Variants in PPA2 observed in about 807,000 individuals in gnomAD.
PPA2 encodes inorganic pyrophosphatase 2, mitochondrial.
A neutral mutation model predicts 49.5 loss-of-function variants in PPA2; 48 were observed. The ratio of observed to expected loss-of-function variants is 0.97; its 90% CI spans 0.77 to 1.23. PPA2 has a LOEUF of 1.23. Among genes scored for constraint, PPA2 ranks in the 50% most tolerant of loss-of-function variants. The pLI is 0.00. For synonymous variants in PPA2, 131 were observed against 139.9 expected, an observed-to-expected ratio of 0.94 and a Z score of 0.45; for missense variants, 429 against 410.1, an observed-to-expected ratio of 1.05 and a Z score of -0.40.
chr4:105,395,265 TACTCC>T lies in PPA2; in HGVS notation c.869+979_869+983del, dbSNP rs557040398. ...TATTCCTTGATATTAAATAATTCTT[TACTCC>T]ATCTGATTACCTTAGTCTAGAATTT... On this transcript the variant is annotated intron_variant, in intron 9 of 11. Transcript: ENST00000341695. Among the ~76,000 whole-genome samples, 87 of 149,888 alleles carry T rather than the reference TACTCC, an allele frequency of 5.8e-4. 1 individual carries two copies. In the South Asian group the frequency reaches 0.018, roughly 32 times the overall value.
chr4:105,405,138 G>T, intron 7 of PPA2: 1 of 577,804 alleles, frequency 1.7e-6, no homozygotes, highest in Non-Finnish European at 2.2e-6. Flanking sequence ...AATTTTTTTA[G>T]AAAAATACTA....
At chr4:105,447,474 G>C (rs1324682226) in intron 4 of PPA2, among the ~76,000 whole-genome samples, 1 of 152,174 alleles carries the variant, frequency 6.6e-6, no homozygotes, top group Non-Finnish European at 1.5e-5. Flanking sequence ...AACACAACTT[G>C]ATGAGTATAG....
chr4:105,425,721 C>CAT (rs1553926961), intron 6 of PPA2, among the ~76,000 whole-genome samples: 2 of 119,892 alleles, frequency 1.7e-5, no homozygotes, highest in African/African-American at 3.8e-5. Context: ...GACACATGCA[C>CAT]ATACACACAC....
rs139174831 is a variant in PPA2, at chr4:105,406,425, T to C, written c.656-7261A>G. Among the ~76,000 whole-genome samples the C allele has an allele frequency of 3.6e-4, 55 of 151,822 alleles. 2 individuals carry two copies. In the East Asian group the frequency reaches 9.9e-3, roughly 27 times the overall value. Reference sequence around the variant, plus strand: ...ATGGCAAACAATTTCCCAAATATGATGAAAAAATATGAACTTACAGATCCA... The same window carrying C: ...ATGGCAAACAATTTCCCAAATATGACGAAAAAATATGAACTTACAGATCCA... On this transcript the variant is annotated intron_variant, in intron 7 of 11. Coordinates refer to ENST00000341695, the MANE Select transcript of PPA2 (RefSeq NM_176869.3).
At position 105,399,032 on chromosome 4, in the gene PPA2, T is replaced by C. The variant is rs1200019868; in HGVS notation, c.783+5A>G. The C allele has an allele frequency of 6.2e-7, 1 of 1,606,632 alleles. No homozygotes were observed. The highest frequency in any genetic ancestry group is 1.3e-5 in the African/African-American group (1 of 74,614). ...ACATTTTAAAATAAAGATTCTCATC[T>C]TCACCTTGTTTTTGAATTCTCCATT... On this transcript the variant is annotated splice_donor_5th_base_variant and intron_variant, in intron 8 of 11. Coordinates refer to ENST00000341695, the MANE Select transcript of PPA2 (RefSeq NM_176869.3).
intron 1 of PPA2, among the ~76,000 whole-genome samples, chr4:105,469,766 T>G (rs1723447200): frequency 6.6e-6 from 1 of 152,222 alleles, no homozygotes; most frequent in Non-Finnish European, 1.5e-5. Flanking sequence ...CAAAACCCAT[T>G]GTGTTCCATT....
chr4:105,411,171 T>C (rs1722737433), intron 7 of PPA2, among the ~76,000 whole-genome samples: 1 of 151,988 alleles, frequency 6.6e-6, no homozygotes, highest in Admixed American at 6.6e-5. Context: ...AGAAGATGCA[T>C]CTCAAGTGCA....
chr4:105,437,886 T>A, intron 6 of PPA2, 64 bp downstream of exon 6: 1 of 1,309,630 alleles, frequency 7.6e-7, no homozygotes, highest in East Asian at 2.5e-5. Flanking sequence ...GAGGCTAAAA[T>A]GAAATTTTAT....
At chr4:105,408,711 C>T (rs61117510) in intron 7 of PPA2, among the ~76,000 whole-genome samples, 1 of 151,914 alleles carries the variant, frequency 6.6e-6, no homozygotes, top group Admixed American at 6.6e-5. Context: ...ATTCCAAGTA[C>T]AAATGAATGC....
intron 10 of PPA2, among the ~76,000 whole-genome samples, chr4:105,381,957 G>T (rs1363784781): frequency 6.6e-6 from 1 of 152,034 alleles, no homozygotes; most frequent in East Asian, 1.9e-4. Flanking sequence ...TTGTTGAGAA[G>T]ATTCAAACAA....
At chr4:105,373,242 G>A (rs987515474) in intron 10 of PPA2, among the ~76,000 whole-genome samples, 1 of 152,174 alleles carries the variant, frequency 6.6e-6, no homozygotes, top group Non-Finnish European at 1.5e-5. Context: ...AACCATCGTT[G>A]GTTTTGAGGA....
chr4:105,441,542 C>T (rs1036395578), intron 5 of PPA2, among the ~76,000 whole-genome samples: 5 of 151,904 alleles, frequency 3.3e-5, no homozygotes, highest in Non-Finnish European at 5.9e-5. Flanking sequence ...AATAGTTATA[C>T]AACTCATAAT....
chr4:105,419,871 G>A (rs1305510568), intron 7 of PPA2, among the ~76,000 whole-genome samples: 2 of 151,302 alleles, frequency 1.3e-5, no homozygotes, highest in South Asian at 2.1e-4. Flanking sequence ...CATACATAAG[G>A]ACATACTATG....
chr4:105,451,862 A>G (rs181931075), intron 3 of PPA2, among the ~76,000 whole-genome samples: 238 of 152,314 alleles, frequency 1.6e-3, no homozygotes, highest in Middle Eastern at 0.014. Context: ...GCTAAGATGC[A>G]TTTGTCCTGT....
chr4:105,410,635 A>G (rs55652556), intron 7 of PPA2, among the ~76,000 whole-genome samples: 27,687 of 152,184 alleles, frequency 0.18, 2,901 homozygotes, highest in African/African-American at 0.28. Flanking sequence ...GGTTGAAATG[A>G]AGGAAAAAAT....
At chr4:105,418,373 T>A (rs1037113513) in intron 7 of PPA2, among the ~76,000 whole-genome samples, 1 of 152,228 alleles carries the variant, frequency 6.6e-6, no homozygotes. Context: ...GCACTGGAAG[T>A]GTTTACTTAG....
Position 105,394,709 on chromosome 4 carries a change from C to T in PPA2, c.869+1540G>A, listed in dbSNP as rs571139988. Among the ~76,000 whole-genome samples the T allele has an allele frequency of 3.3e-5, 5 of 152,164 alleles. No individual in the cohort carries two copies. In the South Asian group the frequency reaches 8.3e-4, roughly 25 times the overall value. On this transcript the variant is annotated intron_variant, in intron 9 of 11. Transcript: ENST00000341695. ...TCACAGTAAGGATAATTAGACTCAG[C>T]ACAGAAGGAATGAGTTCAAGCTATA...
chr4:105,466,101 T>C (rs2110330699), intron 1 of PPA2, among the ~76,000 whole-genome samples: 1 of 152,240 alleles, frequency 6.6e-6, no homozygotes, highest in South Asian at 2.1e-4. Flanking sequence ...CACTACACCT[T>C]CTACTGACTT....
chr4:105,413,465 T>C (rs1578835149), intron 7 of PPA2, among the ~76,000 whole-genome samples: 1 of 151,674 alleles, frequency 6.6e-6, no homozygotes, highest in Non-Finnish European at 1.5e-5. Flanking sequence ...ACTTAAAGTA[T>C]AAAAAGAAAA....
Sources: allele counts gnomAD v4.1 joint callset (sites outside exome capture counted in the v4.1 genomes callset), GRCh38; gene constraint gnomAD v4.1.1; transcripts MANE v1.5; gene names NCBI Gene and HGNC (gene_info 2026-07-23, HGNC 2026-07-21).